The following GCH1 variants were observed in gnomAD, a reference collection of about 807,000 sequenced individuals.
GCH1 encodes the protein GTP cyclohydrolase I.
Under a neutral mutation model 25.9 loss-of-function variants are expected in GCH1, and 5 were observed. The ratio of observed to expected loss-of-function variants is 0.19; its 90% CI spans 0.10 to 0.41. The LOEUF is 0.41. Among genes scored for constraint, GCH1 ranks in the 10% least tolerant of loss-of-function variants. GCH1 has a pLI of 1.00. For synonymous variants in GCH1, 159 were observed against 129.6 expected, an observed-to-expected ratio of 1.23 and a Z score of -1.54; for missense variants, 261 against 336.5, an observed-to-expected ratio of 0.78 and a Z score of 1.75.
Position 54,849,056 on chromosome 14 carries a change from C to T in GCH1, c.510-1926G>A, listed in dbSNP as rs2039686957. 2.0e-5 allele frequency among the ~76,000 whole-genome samples: 3 copies of T among 152,328 alleles called. No individual in the cohort carries two copies. The South Asian group carries it at 6.2e-4, about 32-fold the overall frequency. ...ATTGGACAATAGTGGTAACACTGGG[C>T]AACCATGTTTTGCTCCACACTTCAA... On this transcript the variant is annotated intron_variant, in intron 3 of 5. Transcript: ENST00000491895.
rs140865143 is a variant in GCH1 at position 54,843,067 on chromosome 14, G to A, written c.*950C>T. On this transcript the variant is annotated 3_prime_UTR_variant, in exon 6 of 6. Transcript: ENST00000491895. ...TGGTTCTGCAGACCTGAAAATGATG[G>A]GCACTCTCAAATGTTTCTGGAAATA... is the stretch of plus-strand genomic sequence containing the variant. The A allele has an allele frequency of 1.3e-4, 150 of 1,176,400 alleles. 1 individual carries two copies. The East Asian group carries it at 3.4e-3, about 27-fold the overall frequency. 72.9% of individuals were successfully genotyped at this position (1,176,400 alleles called of 1,614,324 possible). A position where few individuals can be genotyped will look rare whatever the true frequency, so the allele number is the denominator to read the frequency against.
chr14:54,846,202 A>G (rs2039639236), intron 4 of GCH1, among the ~76,000 whole-genome samples: 1 of 152,256 alleles, frequency 6.6e-6, no homozygotes, highest in Admixed American at 6.5e-5. Context: ...CAGCAAATAA[A>G]TAGCCTGCAA....
chr14:54,881,868 G>A (rs2040277879), intron 1 of GCH1, among the ~76,000 whole-genome samples: 1 of 152,142 alleles, frequency 6.6e-6, no homozygotes, highest in South Asian at 2.1e-4. Flanking sequence ...GTTCTCAGCT[G>A]CCCTCAAAAT....
At chr14:54,864,831 T>C (rs2039967764) in intron 2 of GCH1, among the ~76,000 whole-genome samples, 1 of 152,170 alleles carries the variant, frequency 6.6e-6, no homozygotes. Context: ...TAGATTCACT[T>C]TTCCTAATAT....
At chr14:54,877,637 G>C (rs1373315811) in intron 1 of GCH1, among the ~76,000 whole-genome samples, 1 of 152,112 alleles carries the variant, frequency 6.6e-6, no homozygotes, top group Non-Finnish European at 1.5e-5. Flanking sequence ...GGGATTACAG[G>C]CGCAAGCCAC....
chr14:54,866,175 T>C (rs1594989992), intron 1 of GCH1, among the ~76,000 whole-genome samples: 1 of 152,036 alleles, frequency 6.6e-6, no homozygotes, highest in East Asian at 1.9e-4. Context: ...CTATGCTATG[T>C]GCAAAAGAAA....
At chr14:54,853,828 C>G (rs1297502556) in intron 3 of GCH1, among the ~76,000 whole-genome samples, 1 of 151,960 alleles carries the variant, frequency 6.6e-6, no homozygotes, top group Non-Finnish European at 1.5e-5. Context: ...GGTTTCTCTA[C>G]GCTCTTGAAT....
intron 3 of GCH1, among the ~76,000 whole-genome samples, chr14:54,853,378 C>T (rs1362834835): frequency 6.6e-6 from 1 of 152,038 alleles, no homozygotes; most frequent in Admixed American, 6.6e-5. Context: ...TTTTCTTTTT[C>T]CTGCTCTTCC....
At chr14:54,868,390 T>G (rs375217907) in intron 1 of GCH1, among the ~76,000 whole-genome samples, 1 of 151,556 alleles carries the variant, frequency 6.6e-6, no homozygotes, top group East Asian at 1.9e-4. Flanking sequence ...CCACTCCAAA[T>G]AGAGTGACAG....
intron 1 of GCH1, among the ~76,000 whole-genome samples, chr14:54,872,171 GA>G (rs1268300847): frequency 6.6e-6 from 1 of 152,206 alleles, no homozygotes; most frequent in African/African-American, 2.4e-5. Context: ...CTACAAGCCA[GA>G]AGAGAGTGGG....
chr14:54,885,350 G>A, intron 1 of GCH1: 1 of 263,058 alleles, frequency 3.8e-6, no homozygotes, highest in Non-Finnish European at 7.8e-6. Context: ...ACATTGCTCT[G>A]GGGGGCTGTG....
intron 3 of GCH1, among the ~76,000 whole-genome samples, chr14:54,853,144 A>T (rs1225452082): frequency 1.3e-5 from 2 of 151,996 alleles, no homozygotes; most frequent in Non-Finnish European, 2.9e-5. Context: ...TTGTATTTTT[A>T]GTAGAGATGG....
chr14:54,865,135 C>T (rs1366645664), intron 2 of GCH1, among the ~76,000 whole-genome samples, 192 bp downstream of exon 2: 1 of 151,696 alleles, frequency 6.6e-6, no homozygotes, highest in African/African-American at 2.4e-5. Context: ...ATCCTGAGAG[C>T]CTTCTGCTAC....
chr14:54,864,938 T>A (rs1359985515), intron 2 of GCH1, among the ~76,000 whole-genome samples: 15 of 152,186 alleles, frequency 9.9e-5, no homozygotes, highest in South Asian at 4.1e-4. Flanking sequence ...TACATATCTA[T>A]CTTGGATCAA....
rs1214458990 is a variant in GCH1, at chr14:54,843,577, G to A, written c.*440C>T. 38 of 1,414,770 alleles carry A rather than the reference G, an allele frequency of 2.7e-5. No homozygotes were observed. The highest frequency in any genetic ancestry group is 5.3e-4 in the Middle Eastern group (2 of 3,742). 87.6% of individuals were successfully genotyped at this position (1,414,770 alleles called of 1,614,324 possible). On this transcript the variant is annotated 3_prime_UTR_variant, in exon 6 of 6. Coordinates refer to ENST00000491895, the MANE Select transcript of GCH1 (RefSeq NM_000161.3). Reference sequence around the variant, plus strand: ...GAACTTGAATTCACAGAGCAATACCGCACTAAATATTTTAGCACTTTCGGC... The same window carrying A: ...GAACTTGAATTCACAGAGCAATACCACACTAAATATTTTAGCACTTTCGGC...
chr14:54,867,092 C>T (rs1381474934), intron 1 of GCH1, among the ~76,000 whole-genome samples: 2 of 152,132 alleles, frequency 1.3e-5, no homozygotes, highest in African/African-American at 2.4e-5. Flanking sequence ...ATATAGCTTA[C>T]TAAAATCTTT....
rs1350722863 is a variant in GCH1, at chr14:54,849,780, TC to T, written c.510-2651del. 5.3e-5 allele frequency among the ~76,000 whole-genome samples: 8 copies of T among 152,346 alleles called. No individual in the cohort carries two copies. In the East Asian group the frequency reaches 1.3e-3, roughly 26 times the overall value. On this transcript the variant is annotated intron_variant, in intron 3 of 5. Transcript: ENST00000491895. ...GTTTCTTAAATTCTCATTCATATTT[TC>T]TACCTGTCTTTGCGCTGCATTCAGC...
chr14:54,883,343 G>C (rs958262621), intron 1 of GCH1, among the ~76,000 whole-genome samples: 2 of 128,450 alleles, frequency 1.6e-5, no homozygotes, highest in African/African-American at 5.7e-5. Context: ...CTGCGCTCTA[G>C]CCTGGGCGAC....
intron 1 of GCH1, chr14:54,885,353 G>T: frequency 3.8e-6 from 1 of 261,732 alleles, no homozygotes; most frequent in East Asian, 1.0e-4. Context: ...TTGCTCTGGG[G>T]GGCTGTGATG....
Sources: allele counts gnomAD v4.1 joint callset (sites outside exome capture counted in the v4.1 genomes callset), GRCh38; gene constraint gnomAD v4.1.1; transcripts MANE v1.5; gene names NCBI Gene and HGNC (gene_info 2026-07-23, HGNC 2026-07-21).